GALNT13: variants seen among roughly 807,000 people sequenced by gnomAD.
GALNT13 encodes polypeptide N-acetylgalactosaminyltransferase 13.
Under a neutral mutation model 64.2 loss-of-function variants are expected in GALNT13, and 28 were observed. The ratio of observed to expected loss-of-function variants is 0.44; its 90% CI spans 0.32 to 0.60. GALNT13 has a LOEUF of 0.60. Among genes scored for constraint, GALNT13 ranks in the 20% least tolerant of loss-of-function variants. GALNT13 has a pLI of 0.05. For synonymous variants in GALNT13, 214 were observed against 224.6 expected, an observed-to-expected ratio of 0.95 and a Z score of 0.42; for missense variants, 577 against 669.8, an observed-to-expected ratio of 0.86 and a Z score of 1.53.
At chr2:154,388,691 CTTATTA>C (rs144293063) in intron 9 of GALNT13, among the ~76,000 whole-genome samples, 2 of 151,442 alleles carry the variant, frequency 1.3e-5, no homozygotes, top group South Asian at 2.1e-4. Context: ...TTAACAATGG[CTTATTA>C]TTATATTATT....
chr2:153,403,804 ACCCACTGACCTGCG>A, the GALNT13 span, among the ~76,000 whole-genome samples: 1 of 152,018 alleles, frequency 6.6e-6, no homozygotes, highest in Admixed American at 6.5e-5. Context: ...CGGTGTGCTC[ACCCACTGACCTGCG>A]CCCACTGTCT....
chr2:154,275,223 G>A (rs2105929324), intron 8 of GALNT13, among the ~76,000 whole-genome samples: 1 of 152,302 alleles, frequency 6.6e-6, no homozygotes, highest in Non-Finnish European at 1.5e-5. Flanking sequence ...GCAGAAATTT[G>A]CATAAGTAAC....
At chr2:154,152,784 G>C (rs1378389021) in intron 4 of GALNT13, among the ~76,000 whole-genome samples, 2 of 152,126 alleles carry the variant, frequency 1.3e-5, no homozygotes, top group Non-Finnish European at 2.9e-5. Context: ...AGCTCCATCA[G>C]CTCATTTAAG....
intron 3 of GALNT13, among the ~76,000 whole-genome samples, chr2:154,070,775 G>C (rs1231527041): frequency 6.6e-6 from 1 of 151,926 alleles, no homozygotes; most frequent in Non-Finnish European, 1.5e-5. Context: ...AAATTAGCTG[G>C]GTGTGGTGGT....
chr2:153,575,164 T>C, the GALNT13 span, among the ~76,000 whole-genome samples: 13 of 152,288 alleles, frequency 8.5e-5, no homozygotes, highest in East Asian at 2.5e-3. Context: ...GAGAAGTCTC[T>C]GGATTACCAG....
chr2:154,456,238 A>T (rs59796254), downstream of GALNT13, among the ~76,000 whole-genome samples: 1,010 of 147,316 alleles, frequency 6.9e-3, 8 homozygotes, highest in African/African-American at 0.023. Flanking sequence ...CCACAGCTAG[A>T]AAGGAGTAAT....
At chr2:154,006,427 A>G (rs1258160381) in intron 3 of GALNT13, among the ~76,000 whole-genome samples, 2 of 152,202 alleles carry the variant, frequency 1.3e-5, no homozygotes, top group Non-Finnish European at 2.9e-5. Flanking sequence ...ACTAATTAAA[A>G]GAAAACTTGC....
At chr2:153,439,251 G>T in the GALNT13 span, among the ~76,000 whole-genome samples, 1 of 152,168 alleles carries the variant, frequency 6.6e-6, no homozygotes, top group African/African-American at 2.4e-5. Flanking sequence ...CTCCCAGTTA[G>T]GCTCCTCAGG....
the GALNT13 span, among the ~76,000 whole-genome samples, chr2:153,678,530 G>A: frequency 6.6e-6 from 1 of 152,022 alleles, no homozygotes; most frequent in Non-Finnish European, 1.5e-5. Flanking sequence ...CCTACTTGAA[G>A]GTGGGGCATG....
chr2:154,300,139 C>T (rs1467158514), intron 8 of GALNT13, among the ~76,000 whole-genome samples: 2 of 94,662 alleles, frequency 2.1e-5, no homozygotes, highest in Non-Finnish European at 4.0e-5. Flanking sequence ...TCGCTTTTGT[C>T]ACCCAGGCTG....
the GALNT13 span, chr2:153,159,279 A>C: frequency 1.3e-5 from 2 of 152,214 alleles, no homozygotes; most frequent in Non-Finnish European, 2.9e-5. Context: ...TGTAATTAAA[A>C]AATATGGTGC....
the GALNT13 span, among the ~76,000 whole-genome samples, chr2:153,345,897 G>A: frequency 1.3e-5 from 2 of 151,912 alleles, no homozygotes; most frequent in South Asian, 2.1e-4. Context: ...CTGGGCTCAG[G>A]TGATTCTGTC....
At chr2:153,443,377 C>T in the GALNT13 span, among the ~76,000 whole-genome samples, 1 of 152,162 alleles carries the variant, frequency 6.6e-6, no homozygotes, top group Non-Finnish European at 1.5e-5. Context: ...GTGGGCTGCA[C>T]CCAGTGTCTA....
chr2:154,131,913 C>T (rs1682642704), intron 3 of GALNT13, among the ~76,000 whole-genome samples: 1 of 152,154 alleles, frequency 6.6e-6, no homozygotes, highest in Non-Finnish European at 1.5e-5. Context: ...TGATGTAAGT[C>T]CAAGAGCCCA....
chr2:153,781,820 A>G, the GALNT13 span, among the ~76,000 whole-genome samples: 229 of 152,294 alleles, frequency 1.5e-3, 1 homozygote, highest in South Asian at 0.015. Flanking sequence ...ATTGCAAATG[A>G]TTTGGATTAG....
intron 8 of GALNT13, among the ~76,000 whole-genome samples, chr2:154,269,170 A>G (rs918420313): frequency 3.9e-5 from 6 of 152,108 alleles, no homozygotes; most frequent in Non-Finnish European, 8.8e-5. Flanking sequence ...GGTAAATGAG[A>G]CAATGAAATT....
intron 2 of GALNT13, among the ~76,000 whole-genome samples, chr2:153,937,593 A>T (rs977526788): frequency 6.6e-6 from 1 of 152,224 alleles, no homozygotes; most frequent in African/African-American, 2.4e-5. Flanking sequence ...ATTGCATTGT[A>T]TACTTTAAAT....
At chr2:153,872,870 C>A (rs565647708) in intron 1 of GALNT13, among the ~76,000 whole-genome samples, 1 of 152,140 alleles carries the variant, frequency 6.6e-6, no homozygotes, top group Non-Finnish European at 1.5e-5. Flanking sequence ...TCATTCTCGC[C>A]GTGTGTGTCT....
At chr2:153,173,828 C>G in the GALNT13 span, among the ~76,000 whole-genome samples, 1 of 152,052 alleles carries the variant, frequency 6.6e-6, no homozygotes, top group East Asian at 1.9e-4. Flanking sequence ...ATGGGTGAGA[C>G]GCAATATTAT....
Sources: gnomAD v4.1 joint callset for allele counts (sites outside exome capture counted in the v4.1 genomes callset) on GRCh38, gnomAD v4.1.1 for gene constraint, MANE v1.5 for transcripts, NCBI Gene and HGNC (gene_info 2026-07-23, HGNC 2026-07-21) for gene names.